Variants in DLGAP2 observed in about 807,000 individuals in gnomAD.
DLGAP2 encodes disks large-associated protein 2.
DLGAP2 carries 26 observed loss-of-function variants against 100.3 expected under a neutral mutation model. That is an observed-to-expected ratio of 0.26 (90% CI 0.19 to 0.36). The LOEUF is 0.36. Among genes scored for constraint, DLGAP2 ranks in the 10% least tolerant of loss-of-function variants. The pLI is 1.00. For missense variants in DLGAP2, 1,858 were observed against 1,453.2 expected (o/e 1.28, Z -4.53); for synonymous variants, 886 against 630.1 (o/e 1.41, Z -6.08).
Position 1,308,188 on chromosome 8 carries a change from C to T in DLGAP2, c.106+49305C>T, listed in dbSNP as rs781139226. Among the ~76,000 whole-genome samples, 7 of 152,160 alleles carry T rather than the reference C, an allele frequency of 4.6e-5. No individual in the cohort carries two copies. The South Asian group carries it at 1.0e-3, about 23-fold the overall frequency. ...GTGGAAGAAGTGCCTCAGGACAGAACGCCTGCAGAGAATGGGAAAGGTGTT... is the reference window on the plus strand; with the variant it reads ...GTGGAAGAAGTGCCTCAGGACAGAATGCCTGCAGAGAATGGGAAAGGTGTT... On this transcript the variant is annotated intron_variant, in intron 3 of 14. Transcript: ENST00000637795.
chr8:1,522,560 C>T (rs1249571331), intron 4 of DLGAP2, among the ~76,000 whole-genome samples: 1 of 152,214 alleles, frequency 6.6e-6, no homozygotes, highest in Non-Finnish European at 1.5e-5. Flanking sequence ...TTCCTTACGT[C>T]TTGGTTTTCT....
In DLGAP2 at chr8:1,098,655, GCCACCCA is replaced by G. The variant is rs1804475550; in HGVS notation, c.74-160194_74-160188del. 7.8e-5 allele frequency among the ~76,000 whole-genome samples: 8 copies of G among 102,842 alleles called. No individual in the cohort carries two copies. In the South Asian group the frequency reaches 1.1e-3, roughly 14 times the overall value. The allele number at this position is 102,842 out of a possible 152,430, so 67.5% of individuals were successfully genotyped here. A position where few individuals can be genotyped will look rare whatever the true frequency, so the allele number is the denominator to read the frequency against. Reference sequence around the variant, plus strand: ...AGGCTCCCGGCCGCCCACGGACGCCGCCACCCACGCCAGGCTCCCGGCCGCCCACGGG... The same window carrying G: ...AGGCTCCCGGCCGCCCACGGACGCCGCGCCAGGCTCCCGGCCGCCCACGGG... On this transcript the variant is annotated intron_variant, in intron 2 of 14. Transcript: ENST00000637795.
rs79472311 is a variant in DLGAP2, at chr8:1,289,935, C to T, written c.106+31052C>T. ...GTATATTCTTGACCATCTATTGATA[C>T]TCAAGACAGATCAAATGGTAGGTCC... On this transcript the variant is annotated intron_variant, in intron 3 of 14. Transcript: ENST00000637795. Among the ~76,000 whole-genome samples, 45 of 152,294 alleles carry T rather than the reference C, an allele frequency of 3.0e-4. No individual in the cohort carries two copies. In the East Asian group the frequency reaches 6.8e-3, roughly 23 times the overall value.
chr8:1,043,613 A>G (rs559436596), intron 2 of DLGAP2, among the ~76,000 whole-genome samples: 34 of 152,010 alleles, frequency 2.2e-4, no homozygotes, highest in South Asian at 8.3e-4. Flanking sequence ...GGAGGACTGC[A>G]GTGGGGAAGG....
At position 1,701,195 on chromosome 8, in the gene DLGAP2, G is replaced by C. The variant is rs1799556884; in HGVS notation, c.2957G>C (p.Arg986Thr). Residue 986 changes from arginine (R) to threonine (T), a missense_variant, in exon 15 of 15, where the codon AGA (arginine) becomes ACA (threonine). Transcript: ENST00000637795. ...ACTTGCGCTGCTTTTCAGGAAGAAA[G>C]AAAGGTCCCGCCTCCAATACCAAAG... is the stretch of plus-strand genomic sequence containing the variant. ...MMESPERKEE[R>T]KVPPPIPKKP... is the part of the protein sequence containing the mutation. 6.4e-7 allele frequency: 1 copy of C among 1,560,784 alleles called. No homozygotes were observed. Among genetic ancestry groups the C allele is most frequent in the Non-Finnish European group, 8.7e-7 (1 of 1,153,574 alleles).
At chr8:1,115,839 T>C (rs140409419) in intron 2 of DLGAP2, among the ~76,000 whole-genome samples, 1 of 152,324 alleles carries the variant, frequency 6.6e-6, no homozygotes, top group Non-Finnish European at 1.5e-5. Context: ...GCTCTTCTTC[T>C]AGTCAGTCAT....
At chr8:976,158 G>C (rs1047615065) in intron 2 of DLGAP2, among the ~76,000 whole-genome samples, 2 of 152,122 alleles carry the variant, frequency 1.3e-5, no homozygotes, top group African/African-American at 4.8e-5. Context: ...TCTGTATGAA[G>C]AAAGCTACAA....
At chr8:1,104,293 A>T (rs1041767591) in intron 2 of DLGAP2, among the ~76,000 whole-genome samples, 80 of 152,004 alleles carry the variant, frequency 5.3e-4, no homozygotes, top group African/African-American at 1.9e-3. Flanking sequence ...AGAGCTCAGG[A>T]GTGGGTTCCA....
At chr8:1,279,725 C>T (rs189393525) in intron 3 of DLGAP2, among the ~76,000 whole-genome samples, 1 of 152,284 alleles carries the variant, frequency 6.6e-6, no homozygotes, top group Non-Finnish European at 1.5e-5. Context: ...AGATTTATTT[C>T]CTTGTGGCTG....
rs1041001590 is a variant in DLGAP2 at position 1,009,926 on chromosome 8, A to T, written c.73+101960A>T. On this transcript the variant is annotated intron_variant, in intron 2 of 14. Transcript: ENST00000637795. The stretch of plus-strand genomic sequence containing the variant: ...TTGGTTTTTCATTAACAAGCCAGTA[A>T]GGTCTTGTGTTTTTGCACAGTTGAT... Among the ~76,000 whole-genome samples, 6 of 152,216 alleles carry T rather than the reference A, an allele frequency of 3.9e-5. No homozygotes were observed. In the South Asian group the frequency reaches 8.3e-4, roughly 21 times the overall value.
Position 904,720 on chromosome 8 carries a change from G to A in DLGAP2, c.19-3192G>A, listed in dbSNP as rs961001749. 2.0e-5 allele frequency among the ~76,000 whole-genome samples: 3 copies of A among 152,162 alleles called. No homozygotes were observed. The East Asian group carries it at 5.8e-4, about 29-fold the overall frequency. ...CTGGCTGGGTGTGGACAGACACCTC[G>A]GGGTGACCGCTGAGTATATTTTGTG... On this transcript the variant is annotated intron_variant, in intron 1 of 14. Coordinates refer to ENST00000637795, the MANE Select transcript of DLGAP2 (RefSeq NM_001346810.2).
At chr8:1,560,379 A>G (rs574672007) in intron 5 of DLGAP2, among the ~76,000 whole-genome samples, 3 of 152,158 alleles carry the variant, frequency 2.0e-5, no homozygotes, top group Non-Finnish European at 4.4e-5. Context: ...GCATCTTTTC[A>G]TCGCTAAATA....
chr8:1,527,547 A>T (rs577156055), intron 4 of DLGAP2, among the ~76,000 whole-genome samples: 1 of 152,392 alleles, frequency 6.6e-6, no homozygotes, highest in African/African-American at 2.4e-5. Context: ...AGAGGGAAGT[A>T]AAATGGGTAA....
Position 1,633,868 on chromosome 8 carries a change from A to G in DLGAP2, c.1810+822A>G, listed in dbSNP as rs372799379. ...CTCCGAGGGGAAATAGAACAAAGCTATGTTCATGATGAATAGCATTAGGAA... is the reference window on the plus strand; with the variant it reads ...CTCCGAGGGGAAATAGAACAAAGCTGTGTTCATGATGAATAGCATTAGGAA... On this transcript the variant is annotated intron_variant, in intron 8 of 14. Transcript: ENST00000637795. 3.4e-4 allele frequency among the ~76,000 whole-genome samples: 52 copies of G among 152,372 alleles called. 1 individual carries two copies. In the South Asian group the frequency reaches 0.011, roughly 32 times the overall value.
At chr8:1,437,268 G>A (rs1168620109) in intron 3 of DLGAP2, among the ~76,000 whole-genome samples, 1 of 152,232 alleles carries the variant, frequency 6.6e-6, no homozygotes, top group Non-Finnish European at 1.5e-5. Context: ...CGCCATCCGG[G>A]TCTCCGTTCA....
intron 2 of DLGAP2, among the ~76,000 whole-genome samples, chr8:1,059,387 C>A (rs749020218): frequency 6.6e-6 from 1 of 152,246 alleles, no homozygotes; most frequent in East Asian, 1.9e-4. Flanking sequence ...GCTCTGGAGC[C>A]GCACTCCTGA....
At chr8:1,660,159 G>C (rs1486510618) in intron 8 of DLGAP2, among the ~76,000 whole-genome samples, 3 of 152,106 alleles carry the variant, frequency 2.0e-5, no homozygotes, top group African/African-American at 4.8e-5. Context: ...TAAGAATGTT[G>C]AATATTGGCC....
At chr8:1,582,889 A>G (rs1420398184) in intron 6 of DLGAP2, among the ~76,000 whole-genome samples, 3 of 152,062 alleles carry the variant, frequency 2.0e-5, no homozygotes, top group Non-Finnish European at 4.4e-5. Flanking sequence ...ATGGCTCTGA[A>G]AGAAGAGGGC....
chr8:1,075,120 C>T (rs753793514), intron 2 of DLGAP2, among the ~76,000 whole-genome samples: 1 of 152,202 alleles, frequency 6.6e-6, no homozygotes, highest in Middle Eastern at 3.2e-3. Flanking sequence ...CTGGCGATGT[C>T]CTCAGACTCA....
Sources: gnomAD v4.1 joint callset for allele counts (sites outside exome capture counted in the v4.1 genomes callset) on GRCh38, gnomAD v4.1.1 for gene constraint, MANE v1.5 for transcripts, NCBI Gene and HGNC (gene_info 2026-07-23, HGNC 2026-07-21) for gene names.